The following ADK variants were observed in gnomAD, a reference collection of about 807,000 sequenced individuals.
ADK encodes the protein N6,N6-dimethyladenosine kinase.
Under a neutral mutation model 44.7 loss-of-function variants are expected in ADK, and 24 were observed. The ratio of observed to expected loss-of-function variants is 0.54; its 90% confidence interval spans 0.39 to 0.76. The LOEUF is 0.76. Among genes scored for constraint, ADK ranks in the 30% least tolerant of loss-of-function variants. ADK has a pLI of 0.00. For synonymous variants in ADK, 128 were observed against 142.6 expected (o/e 0.90, Z 0.73); for missense variants, 321 against 425.1 (o/e 0.76, Z 2.15).
Position 74,387,969 on chromosome 10 carries a change from G to T in ADK, c.274-6172G>T, listed in dbSNP as rs889955753. On this transcript the variant is annotated intron_variant, in intron 4 of 10. Transcript: ENST00000539909. ...ATTGCCCAGGCTGGAATGCAATGGC[G>T]CAATCTCGGCCCACTGCAACCTCCA... is the stretch of plus-strand genomic sequence containing the variant. 2.0e-5 allele frequency among the ~76,000 whole-genome samples: 3 copies of T among 151,812 alleles called. No homozygotes were observed. The East Asian group carries it at 5.8e-4, about 29-fold the overall frequency.
intron 1 of ADK, among the ~76,000 whole-genome samples, chr10:74,177,541 T>C (rs1842386921): frequency 6.6e-6 from 1 of 152,192 alleles, no homozygotes; most frequent in Admixed American, 6.5e-5. Context: ...AGGTTCTTTT[T>C]TTGTTAATGA....
At chr10:74,598,440 CCTTTTTTTTTTTTTTT>C (rs1852003599) in intron 8 of ADK, among the ~76,000 whole-genome samples, 2 of 114,072 alleles carry the variant, frequency 1.8e-5, no homozygotes, top group South Asian at 7.1e-4. Flanking sequence ...GAATCTTATT[CCTTTTTTTTTTTTTTT>C]TTTTTTTTTT....
At chr10:74,230,699 T>C (rs1479137677) in intron 3 of ADK, among the ~76,000 whole-genome samples, 1 of 151,522 alleles carries the variant, frequency 6.6e-6, no homozygotes, top group Non-Finnish European at 1.5e-5. Context: ...TTTTTTTTTT[T>C]TGAGACGGAG....
intron 4 of ADK, among the ~76,000 whole-genome samples, chr10:74,385,223 A>G (rs1843104122): frequency 6.6e-6 from 1 of 152,230 alleles, no homozygotes; most frequent in Non-Finnish European, 1.5e-5. Flanking sequence ...TAGTAGTCTA[A>G]TTGAGAGTAG....
intron 6 of ADK, among the ~76,000 whole-genome samples, chr10:74,468,032 C>T (rs540689694): frequency 1.3e-5 from 2 of 152,220 alleles, no homozygotes. Flanking sequence ...TTTTATTACA[C>T]TCTTAAAGTA....
intron 4 of ADK, among the ~76,000 whole-genome samples, chr10:74,341,087 T>C (rs1592070221): frequency 2.0e-5 from 3 of 152,320 alleles, no homozygotes; most frequent in Non-Finnish European, 4.4e-5. Context: ...CATTGTGCTA[T>C]AGTTAACATT....
intron 6 of ADK, among the ~76,000 whole-genome samples, chr10:74,408,552 C>T (rs1844041594): frequency 6.6e-6 from 1 of 152,078 alleles, no homozygotes; most frequent in Non-Finnish European, 1.5e-5. Flanking sequence ...GAACCTTGAA[C>T]AATGTGAGGG....
chr10:74,693,538 T>G (rs767765258), intron 10 of ADK, among the ~76,000 whole-genome samples: 1 of 152,212 alleles, frequency 6.6e-6, no homozygotes, highest in Non-Finnish European at 1.5e-5. Context: ...ATAGCTACTC[T>G]AAGTATGATT....
intron 9 of ADK, among the ~76,000 whole-genome samples, chr10:74,664,181 A>G (rs1854859409): frequency 6.6e-6 from 1 of 152,220 alleles, no homozygotes; most frequent in South Asian, 2.1e-4. Flanking sequence ...ATATCCATGT[A>G]GTGGACTATT....
intron 1 of ADK, among the ~76,000 whole-genome samples, chr10:74,165,009 G>A (rs773992506): frequency 2.6e-5 from 4 of 152,068 alleles, no homozygotes; most frequent in Non-Finnish European, 5.9e-5. Flanking sequence ...TCATATTTCC[G>A]AAGACTGCTT....
At chr10:74,375,730 T>G (rs906509975) in intron 4 of ADK, among the ~76,000 whole-genome samples, 1 of 152,302 alleles carries the variant, frequency 6.6e-6, no homozygotes, top group East Asian at 1.9e-4. Context: ...TTTTATGGTA[T>G]CTTCACTTTA....
chr10:74,581,978 A>T (rs1270607701), intron 7 of ADK, among the ~76,000 whole-genome samples: 2 of 152,198 alleles, frequency 1.3e-5, no homozygotes, highest in African/African-American at 4.8e-5. Context: ...AATCTCTCTG[A>T]ACCTTCAAAT....
At chr10:74,451,197 A>G (rs979636931) in intron 6 of ADK, among the ~76,000 whole-genome samples, 5 of 151,470 alleles carry the variant, frequency 3.3e-5, no homozygotes, top group African/African-American at 1.2e-4. Context: ...TATCTAGTCA[A>G]GTGATGACAT....
chr10:74,383,481 G>A (rs1843043984), intron 4 of ADK, among the ~76,000 whole-genome samples: 1 of 151,898 alleles, frequency 6.6e-6, no homozygotes, highest in Non-Finnish European at 1.5e-5. Flanking sequence ...TCCCACGTAA[G>A]CCTCATATAT....
At chr10:74,260,817 C>A (rs1419124043) in intron 3 of ADK, among the ~76,000 whole-genome samples, 1 of 152,170 alleles carries the variant, frequency 6.6e-6, no homozygotes, top group African/African-American at 2.4e-5. Context: ...TAAGGTAATT[C>A]TCACATGTGG....
chr10:74,625,795 A>G (rs916462355), intron 9 of ADK, among the ~76,000 whole-genome samples: 3 of 152,178 alleles, frequency 2.0e-5, no homozygotes, highest in Non-Finnish European at 4.4e-5. Flanking sequence ...GACGGTAAAT[A>G]AAGACTAATG....
At chr10:74,421,662 T>G (rs1299638379) in intron 6 of ADK, among the ~76,000 whole-genome samples, 1 of 152,136 alleles carries the variant, frequency 6.6e-6, no homozygotes, top group Admixed American at 6.6e-5. Flanking sequence ...GGACTCCTTT[T>G]AAATATGACT....
chr10:74,302,101 GTTTGTTTGTTT>G lies in ADK; in HGVS notation c.195-12562_195-12552del, dbSNP rs1840063311. On this transcript the variant is annotated intron_variant, in intron 3 of 10. Coordinates refer to ENST00000539909, the MANE Select transcript of ADK (RefSeq NM_006721.4). The stretch of plus-strand genomic sequence containing the variant: ...TTCTTTTCTTTTCTGTTTTTTTTTT[GTTTGTTTGTTT>G]TTTTTTTTTTTTTTTTTTTTTTTTT... 2.0e-3 allele frequency among the ~76,000 whole-genome samples: 23 copies of G among 11,694 alleles called. 1 individual carries two copies. Among genetic ancestry groups the G allele is most frequent in the African/African-American group, 6.2e-3 (22 of 3,532 alleles). 7.7% of individuals were successfully genotyped at this position (11,694 alleles called of 152,430 possible). A position where few individuals can be genotyped will look rare whatever the true frequency, so the allele number is the denominator to read the frequency against.
intron 7 of ADK, among the ~76,000 whole-genome samples, chr10:74,543,068 T>C (rs1849700662): frequency 6.6e-6 from 1 of 151,966 alleles, no homozygotes; most frequent in Non-Finnish European, 1.5e-5. Flanking sequence ...CCACGGTTAA[T>C]TTTTTGTATT....
Sources: allele counts gnomAD v4.1 joint callset (sites outside exome capture counted in the v4.1 genomes callset), GRCh38; gene constraint gnomAD v4.1.1; transcripts MANE v1.5; gene names NCBI Gene and HGNC (gene_info 2026-07-23, HGNC 2026-07-21).